Variants in PRDM14 observed in about 807,000 individuals in gnomAD.
The protein encoded by PRDM14 is PR domain zinc finger protein 14.
A neutral mutation model predicts 48.0 loss-of-function variants in PRDM14; 16 were observed. The ratio of observed to expected loss-of-function variants is 0.33; its 90% CI spans 0.23 to 0.51. The LOEUF (loss-of-function observed/expected upper bound fraction) is 0.51. Among genes scored for constraint, PRDM14 ranks in the 20% least tolerant of loss-of-function variants. The pLI is 0.97. For synonymous variants in PRDM14, 264 were observed against 276.6 expected (o/e 0.95, Z 0.45); for missense variants, 566 against 719.6 (o/e 0.79, Z 2.44).
chr8:70,063,850 G>A (rs990376726), intron 5 of PRDM14, among the ~76,000 whole-genome samples: 1 of 152,124 alleles, frequency 6.6e-6, no homozygotes, highest in Non-Finnish European at 1.5e-5. Context: ...AAAGGAGTTG[G>A]TACATTTCAG....
chr8:70,060,275 C>T (rs572399109), intron 5 of PRDM14, among the ~76,000 whole-genome samples: 6 of 151,560 alleles, frequency 4.0e-5, no homozygotes, highest in South Asian at 2.1e-4. Context: ...TGATAGCACA[C>T]GCCTTTAGTC....
intron 5 of PRDM14, among the ~76,000 whole-genome samples, chr8:70,064,840 C>T (rs1805640986): frequency 6.6e-6 from 1 of 150,778 alleles, no homozygotes; most frequent in South Asian, 2.1e-4. Context: ...TTTTTTAAAC[C>T]TGCTCCTTAC....
At chr8:70,053,943 C>A (rs1269143707) in intron 7 of PRDM14, among the ~76,000 whole-genome samples, 2 of 152,180 alleles carry the variant, frequency 1.3e-5, no homozygotes, top group African/African-American at 4.8e-5. Context: ...CCACGCTGTC[C>A]ATCTTGGAAA....
Position 70,069,746 on chromosome 8 carries a change from A to T in PRDM14, c.115T>A (p.Tyr39Asn), listed in dbSNP as rs1255732605. ...YYTPFPSYGH[Y>N]RNSLATVEED... ...TCCACGGTGGCCAGGCTGTTTCTGT[A>T]GTGTCCATAGGACGGGAAAGGCGTG... is the stretch of plus-strand genomic sequence containing the variant. Residue 39 changes from tyrosine to asparagine, a missense_variant, in exon 2 of 8, where the codon TAC becomes AAC. Tyr to Asn is a moderately radical substitution (Grantham distance 143). Coordinates refer to ENST00000276594, the MANE Select transcript of PRDM14 (RefSeq NM_024504.4). 6.2e-7 allele frequency: 1 copy of T among 1,604,944 alleles called. No homozygotes were observed. Among genetic ancestry groups the T allele is most frequent in the African/African-American group, 1.3e-5 (1 of 74,810 alleles).
chr8:70,056,528 C>A (rs1270980966), intron 6 of PRDM14, among the ~76,000 whole-genome samples: 1 of 152,078 alleles, frequency 6.6e-6, no homozygotes, highest in Non-Finnish European at 1.5e-5. Context: ...GTTGCCCAGG[C>A]TGGAGTGCAG....
Position 70,069,379 on chromosome 8 carries a change from G to A in PRDM14, c.482C>T (p.Pro161Leu), listed in dbSNP as rs1392883099. Reference sequence around the variant, plus strand: ...TAACTGGGAGGTCCTCAGCCCCTCAGGTAACAGAGAAGCATCCGCAGGGGG... The same window carrying A: ...TAACTGGGAGGTCCTCAGCCCCTCAAGTAACAGAGAAGCATCCGCAGGGGG... ...PPPPADASLL[P>L]EGLRTSQLLP... The change falls in exon 2 of 8, where the codon CCT (proline) becomes CTT (leucine). Residue 161 changes from proline to leucine, a missense_variant. Physicochemically the swap from Pro to Leu is moderately conservative, Grantham distance 98 (BLOSUM62 -3). Transcript: ENST00000276594. 10 of 1,611,720 alleles carry A rather than the reference G, an allele frequency of 6.2e-6. No homozygotes were observed. Among genetic ancestry groups the A allele is most frequent in the Non-Finnish European group, 8.5e-6 (10 of 1,178,800 alleles).
chr8:70,069,096 G>A, intron 2 of PRDM14, 65 bp downstream of exon 2: 1 of 1,303,864 alleles, frequency 7.7e-7, no homozygotes, highest in Non-Finnish European at 1.0e-6. Context: ...CCTCTTCCCG[G>A]ACACTCCCGT....
chr8:70,063,972 C>T (rs572221651), intron 5 of PRDM14, among the ~76,000 whole-genome samples: 1 of 152,200 alleles, frequency 6.6e-6, no homozygotes, highest in Admixed American at 6.5e-5. Context: ...ACCTACATTC[C>T]CACACCCACA....
At chr8:70,068,424 G>C in intron 3 of PRDM14, 37 bp from the exon 4 acceptor site, 1 of 1,614,102 alleles carries the variant, frequency 6.2e-7, no homozygotes, top group Non-Finnish European at 8.5e-7. Context: ...AGAATGAGGA[G>C]AGTTGACTCT....
intron 5 of PRDM14, among the ~76,000 whole-genome samples, chr8:70,060,286 C>T (rs962602489): frequency 6.6e-6 from 1 of 151,006 alleles, no homozygotes; most frequent in African/African-American, 2.4e-5. Flanking sequence ...GCCTTTAGTC[C>T]CAGAGGCCGA....
At chr8:70,066,128 T>C in intron 5 of PRDM14, 107 bp downstream of exon 5, 1 of 1,247,206 alleles carries the variant, frequency 8.0e-7, no homozygotes, top group Admixed American at 2.2e-5. Context: ...GTTAGTCCTC[T>C]GCATTAGCCT....
chr8:70,052,161 A>G lies in PRDM14; in HGVS notation c.1632T>C (p.Asp544=). The change falls in exon 8 of 8, where the codon GAT becomes GAC. Residue 544 remains aspartate (D), a synonymous_variant. Transcript: ENST00000276594. ...SHVRRSHKED[D]GCSCSICGKI... Reference sequence around the variant, plus strand: ...TCCCACAGATGCTGCATGAGCAGCCATCATCCTCCTTGTGTGAACGCCGGA... The same window carrying G: ...TCCCACAGATGCTGCATGAGCAGCCGTCATCCTCCTTGTGTGAACGCCGGA... The G allele has an allele frequency of 6.2e-7, 1 of 1,613,562 alleles. No homozygotes were observed. The highest frequency in any genetic ancestry group is 8.5e-7 in the Non-Finnish European group (1 of 1,179,920).
chr8:70,068,023 C>A (rs1004963240), intron 4 of PRDM14, among the ~76,000 whole-genome samples: 1 of 152,178 alleles, frequency 6.6e-6, no homozygotes, highest in Non-Finnish European at 1.5e-5. Flanking sequence ...AAGGCACCCA[C>A]AAAACACAGA....
intron 7 of PRDM14, among the ~76,000 whole-genome samples, chr8:70,054,712 T>A (rs1360811710): frequency 6.7e-6 from 1 of 149,788 alleles, no homozygotes; most frequent in Non-Finnish European, 1.5e-5. Flanking sequence ...AGAGATGGGG[T>A]TTCACCATGC....
At chr8:70,058,431 TCTGTG>T (rs1805517557) in intron 6 of PRDM14, among the ~76,000 whole-genome samples, 3 of 152,180 alleles carry the variant, frequency 2.0e-5, no homozygotes, top group Non-Finnish European at 4.4e-5. Flanking sequence ...TGTTCCTCCC[TCTGTG>T]GGTACCTGCA....
Position 70,052,271 on chromosome 8 carries a change from T to C in PRDM14, c.1522A>G (p.Ile508Val). 6.2e-7 allele frequency: 1 copy of C among 1,614,140 alleles called. No individual in the cohort carries two copies. The highest frequency in any genetic ancestry group is 1.3e-5 in the African/African-American group (1 of 75,062). ...FTASSILRTH[I>V]RQHSGEKPFK... ...GGCTTCTCCCCGGAGTGCTGCCTGATGTGTGTGCGGAGTATGCTGGAGGCT... is the reference window on the plus strand; with the variant it reads ...GGCTTCTCCCCGGAGTGCTGCCTGACGTGTGTGCGGAGTATGCTGGAGGCT... Residue 508 changes from isoleucine (I) to valine (V), a missense_variant, in exon 8 of 8, where the codon ATC (isoleucine) becomes GTC (valine). Coordinates refer to ENST00000276594, the MANE Select transcript of PRDM14 (RefSeq NM_024504.4).
At chr8:70,059,321 G>C (rs911178597) in intron 5 of PRDM14, among the ~76,000 whole-genome samples, 1 of 145,502 alleles carries the variant, frequency 6.9e-6, no homozygotes, top group Non-Finnish European at 1.5e-5. Context: ...ACCCAGGCTG[G>C]AGTGCAGGGG....
Position 70,069,203 on chromosome 8 carries a change from G to C in PRDM14, c.658C>G (p.His220Asp). The C allele has an allele frequency of 6.4e-7, 1 of 1,560,618 alleles. No homozygotes were observed. Among genetic ancestry groups the C allele is most frequent in the Non-Finnish European group, 8.7e-7 (1 of 1,152,678 alleles). Residue 220 changes from histidine (H) to aspartate (D), a missense_variant, in exon 2 of 8, where the codon CAC becomes GAC. Physicochemically the swap from His to Asp is moderately conservative, Grantham distance 81 (BLOSUM62 -1). Around this residue, in one of 3 missense-constraint regions of PRDM14, gnomAD observed 410 missense variants for 424.6 expected, o/e 0.97. Transcript: ENST00000276594. ...TPSLEHPASL[H>D]HAISGLLVPP... ...ACCAGGAGGCCTGAAATCGCATGGT[G>C]CAGGCTGGCTGGGTGCTCCAGGCTG...
intron 1 of PRDM14, among the ~76,000 whole-genome samples, chr8:70,070,587 C>T (rs1312695503): frequency 2.0e-5 from 3 of 152,204 alleles, no homozygotes. Context: ...TAGGATGCGC[C>T]GCCTGAACCT....
Sources: allele counts gnomAD v4.1 joint callset (sites outside exome capture counted in the v4.1 genomes callset), GRCh38; gene constraint gnomAD v4.1.1; regional missense constraint gnomAD v4.1.1; transcripts MANE v1.5; gene names NCBI Gene and HGNC (gene_info 2026-07-23, HGNC 2026-07-21).